Variants in TRIM62 observed in about 807,000 individuals in gnomAD.
TRIM62 encodes the protein E3 ubiquitin-protein ligase TRIM62.
TRIM62 carries 39 observed loss-of-function variants against 44.2 expected under a neutral mutation model. That is an observed-to-expected ratio of 0.88 (90% CI 0.68 to 1.15). The LOEUF (loss-of-function observed/expected upper bound fraction) is 1.15, where lower values mean the gene tolerates loss of function less well. Ranked by LOEUF, TRIM62 falls within the 50% of genes most tolerant of loss-of-function variation. TRIM62 has a pLI of 0.00. For synonymous variants in TRIM62, 278 were observed against 292.3 expected (o/e 0.95, Z 0.50); for missense variants, 544 against 665.5 (o/e 0.82, Z 2.01).
chr1:33,147,265 C>T lies in TRIM62; in HGVS notation c.1340G>A (p.Gly447Asp). 1 of 1,614,122 alleles carries T rather than the reference C, an allele frequency of 6.2e-7. No individual in the cohort carries two copies. The highest frequency in any genetic ancestry group is 8.5e-7 in the Non-Finnish European group (1 of 1,180,026). Residue 447 changes from glycine (G) to aspartate (D), a missense_variant, in exon 5 of 5, where the codon GGC becomes GAC. Coordinates refer to ENST00000291416, the MANE Select transcript of TRIM62 (RefSeq NM_018207.3). This position sits in a 1 kb window ranked among gnomAD's most constrained non-coding sequence, Gnocchi z 8.1. ...WLYTFREKFP[G>D]KLCSYFSPGQ... Reference sequence around the variant, plus strand: ...AGGGCTGAAGTAAGAGCAGAGCTTGCCAGGGAACTTCTCGCGGAAGGTGTA... The same window carrying T: ...AGGGCTGAAGTAAGAGCAGAGCTTGTCAGGGAACTTCTCGCGGAAGGTGTA...
At chr1:33,178,792 C>T (rs1325709384) in intron 1 of TRIM62, among the ~76,000 whole-genome samples, 1 of 152,220 alleles carries the variant, frequency 6.6e-6, no homozygotes, top group Non-Finnish European at 1.5e-5. Context: ...TCCTGTTTTA[C>T]TTTTCACCCA....
chr1:33,157,366 C>T (rs916133838), intron 4 of TRIM62, among the ~76,000 whole-genome samples: 18 of 152,138 alleles, frequency 1.2e-4, no homozygotes, highest in African/African-American at 4.3e-4. Context: ...AGCACTCTTC[C>T]TCCAGATACC....
chr1:33,178,287 T>C (rs1645436815), intron 1 of TRIM62, among the ~76,000 whole-genome samples: 1 of 152,174 alleles, frequency 6.6e-6, no homozygotes, highest in African/African-American at 2.4e-5. Context: ...TGAGGGTGGG[T>C]TCAGCCTTAT....
At chr1:33,176,961 T>G (rs1645424240) in intron 1 of TRIM62, among the ~76,000 whole-genome samples, 1 of 152,152 alleles carries the variant, frequency 6.6e-6, no homozygotes. Flanking sequence ...GGAAATGGGC[T>G]CCTTCCCTCC....
Position 33,147,547 on chromosome 1 carries a change from C to T in TRIM62, c.1058G>A (p.Trp353Ter). 6.2e-7 allele frequency: 1 copy of T among 1,614,106 alleles called. No individual in the cohort carries two copies. Among genetic ancestry groups the T allele is most frequent in the Non-Finnish European group, 8.5e-7 (1 of 1,180,048 alleles). The change falls in exon 5 of 5, where the codon TGG becomes TAG. Residue 353 changes from tryptophan to a stop codon, truncating the protein, a stop_gained. Coordinates refer to ENST00000291416, the MANE Select transcript of TRIM62 (RefSeq NM_018207.3). LOFTEE classifies it high-confidence loss of function. This position sits in a 1 kb window ranked among gnomAD's most constrained non-coding sequence, Gnocchi z 8.1. ...GGTCTTCTCCGCCACCACCACCTCC[C>T]AGTAGTGGACGCCACTACTGAAGGC... Reference protein sequence around the residue: ...SEAFSSGVHYWEVVVAEKTQW... With the variant: ...SEAFSSGVHY
rs758245223 is a variant in TRIM62, at chr1:33,159,660, G to A, written c.761+28C>T. On this transcript the variant is annotated intron_variant, in intron 3 of 4. Coordinates refer to ENST00000291416, the MANE Select transcript of TRIM62 (RefSeq NM_018207.3). This position sits in a 1 kb window ranked among gnomAD's most constrained non-coding sequence, Gnocchi z 4.2. The stretch of plus-strand genomic sequence containing the variant: ...TGGGTCGAGGAGGGGATGGTCAGCC[G>A]GGGAGGGCCCCGGCGGGTGGCACTT... 34 of 1,588,102 alleles carry A rather than the reference G, an allele frequency of 2.1e-5. No homozygotes were observed. The highest frequency in any genetic ancestry group is 3.4e-4 in the Middle Eastern group (2 of 5,814).
At chr1:33,157,109 C>G (rs564754231) in intron 4 of TRIM62, among the ~76,000 whole-genome samples, 2 of 152,158 alleles carry the variant, frequency 1.3e-5, no homozygotes, top group South Asian at 4.1e-4. Context: ...CTTCATGGCT[C>G]CAAGCCCTCC....
chr1:33,145,777 C>A lies in TRIM62; in HGVS notation c.*1400G>T. The stretch of plus-strand genomic sequence containing the variant: ...GCAGGACAACCCTAGATGTGGACTC[C>A]ACCCTCTCCCGAGTTCTTCACGATT... On this transcript the variant is annotated 3_prime_UTR_variant, in exon 5 of 5. Transcript: ENST00000291416. 1 of 449,502 alleles carries A rather than the reference C, an allele frequency of 2.2e-6. No homozygotes were observed. Among genetic ancestry groups the A allele is most frequent in the Non-Finnish European group, 4.6e-6 (1 of 216,390 alleles). 27.8% of individuals were successfully genotyped at this position (449,502 alleles called of 1,614,324 possible).
chr1:33,158,428 GGGCCCCGCAGCCACCTTCAGGGCAGC>G, intron 3 of TRIM62, 60 bp from the exon 4 acceptor site: 1 of 1,459,620 alleles, frequency 6.9e-7, no homozygotes. Context: ...CCAATGCCAG[GGGCCCCGCAGCCACCTTCAGGGCAGC>G]TGGCATAGGA....
chr1:33,175,206 AT>A (rs541492582), intron 1 of TRIM62, among the ~76,000 whole-genome samples: 19,214 of 142,314 alleles, frequency 0.14, 2,467 homozygotes, highest in African/African-American at 0.34. Flanking sequence ...TGCCCAGCTA[AT>A]TTTTTTTTTT....
At chr1:33,148,566 T>C (rs1000048917) in intron 4 of TRIM62, among the ~76,000 whole-genome samples, 2 of 152,182 alleles carry the variant, frequency 1.3e-5, no homozygotes, top group East Asian at 3.9e-4. Context: ...CTTTGTTAGG[T>C]TTTCTAGTGT....
intron 1 of TRIM62, among the ~76,000 whole-genome samples, chr1:33,168,137 A>G (rs1309678020): frequency 6.6e-6 from 1 of 152,202 alleles, no homozygotes; most frequent in East Asian, 1.9e-4. Context: ...CAGAAGGATG[A>G]GGAGGAGCCA....
In TRIM62 at chr1:33,146,948, T is replaced by C; in HGVS notation, c.*229A>G. 1.7e-6 allele frequency: 1 copy of C among 572,906 alleles called. No individual in the cohort carries two copies. Among genetic ancestry groups the C allele is most frequent in the Non-Finnish European group, 3.1e-6 (1 of 322,816 alleles). The allele number at this position is 572,906 out of a possible 1,614,324, so 35.5% of individuals were successfully genotyped here. ...GGAGAAGCCATGTCACATCCTTGGA[T>C]CAAAGCTGTATCCCTATCAAGGTCA... On this transcript the variant is annotated 3_prime_UTR_variant, in exon 5 of 5. Coordinates refer to ENST00000291416, the MANE Select transcript of TRIM62 (RefSeq NM_018207.3).
chr1:33,154,275 C>G (rs993478832), intron 4 of TRIM62, among the ~76,000 whole-genome samples: 1 of 151,480 alleles, frequency 6.6e-6, no homozygotes, highest in African/African-American at 2.4e-5. Context: ...CCGATTCCCT[C>G]CCCAGTCACT....
Position 33,159,896 on chromosome 1 carries a change from G to C in TRIM62, c.553C>G (p.Leu185Val), listed in dbSNP as rs750648101. The change falls in exon 3 of 5, where the codon CTG becomes GTG. Residue 185 changes from leucine (L) to valine (V), a missense_variant. Leu to Val is a conservative substitution (Grantham distance 32). Coordinates refer to ENST00000291416, the MANE Select transcript of TRIM62 (RefSeq NM_018207.3). The surrounding 1 kb of genome is among the most constrained non-coding windows in gnomAD (Gnocchi z 4.2). ...TGGCGTTCACGCAGCAGCCGGTGCA[G>C]CCGCTCGAAGGCCTCGCCGATAGTG... ...RTTIGEAFER[L>V]HRLLRERQKA... is the part of the protein sequence containing the mutation. The C allele has an allele frequency of 6.2e-7, 1 of 1,610,384 alleles. No individual in the cohort carries two copies. The highest frequency in any genetic ancestry group is 8.5e-7 in the Non-Finnish European group (1 of 1,180,000).
At chr1:33,153,354 C>T (rs1016700080) in intron 4 of TRIM62, among the ~76,000 whole-genome samples, 7 of 152,196 alleles carry the variant, frequency 4.6e-5, no homozygotes, top group African/African-American at 1.7e-4. Context: ...TCTGTTCCTC[C>T]CTCAGCTCCT....
At position 33,177,586 on chromosome 1, in the gene TRIM62, G is replaced by A. The variant is rs1297959964; in HGVS notation, c.408+3439C>T. Among the ~76,000 whole-genome samples the A allele has an allele frequency of 6.6e-6, 1 of 152,284 alleles. No individual in the cohort carries two copies. The highest frequency in any genetic ancestry group is 1.9e-4 in the East Asian group (1 of 5,182). ...TTAAAGTTCAGTGGGACTTTTCTAGGTCAGGTTTCTCAACTAGAGGTGATT... is the reference window on the plus strand; with the variant it reads ...TTAAAGTTCAGTGGGACTTTTCTAGATCAGGTTTCTCAACTAGAGGTGATT... On this transcript the variant is annotated intron_variant, in intron 1 of 4. Coordinates refer to ENST00000291416, the MANE Select transcript of TRIM62 (RefSeq NM_018207.3). This position sits in a 1 kb window ranked among gnomAD's most constrained non-coding sequence, Gnocchi z 4.1.
At position 33,181,572 on chromosome 1, in the gene TRIM62, G is replaced by A; in HGVS notation, c.-140C>T. ...GGGGTAGGAGCTACCGGAGAAGGGA[G>A]GGGGTGCTGTCCGGAAGGAGGGTAA... On this transcript the variant is annotated 5_prime_UTR_variant, in exon 1 of 5. Coordinates refer to ENST00000291416, the MANE Select transcript of TRIM62 (RefSeq NM_018207.3). This position sits in a 1 kb window ranked among gnomAD's most constrained non-coding sequence, Gnocchi z 6.5. 3 of 1,384,334 alleles carry A rather than the reference G, an allele frequency of 2.2e-6. No individual in the cohort carries two copies. Among genetic ancestry groups the A allele is most frequent in the Non-Finnish European group, 2.8e-6 (3 of 1,065,570 alleles). 85.8% of individuals were successfully genotyped at this position (1,384,334 alleles called of 1,614,324 possible).
chr1:33,165,282 C>T lies in TRIM62; in HGVS notation c.504+189G>A, dbSNP rs1469314212. On this transcript the variant is annotated intron_variant, in intron 2 of 4. Coordinates refer to ENST00000291416, the MANE Select transcript of TRIM62 (RefSeq NM_018207.3). This position sits in a 1 kb window ranked among gnomAD's most constrained non-coding sequence, Gnocchi z 4.0. ...CCGCCAGTCATGATGGGGTGGGTGC[C>T]GCCCCATTGAACTTCACGGATGCCC... 3 of 528,330 alleles carry T rather than the reference C, an allele frequency of 5.7e-6. No individual in the cohort carries two copies. Among genetic ancestry groups the T allele is most frequent in the East Asian group, 6.6e-5 (2 of 30,374 alleles). 32.7% of individuals were successfully genotyped at this position (528,330 alleles called of 1,614,324 possible).
Sources: allele counts gnomAD v4.1 joint callset (sites outside exome capture counted in the v4.1 genomes callset), GRCh38; gene constraint gnomAD v4.1.1; non-coding constraint Gnocchi (gnomAD v3.1); transcripts MANE v1.5; gene names NCBI Gene and HGNC (gene_info 2026-07-23, HGNC 2026-07-21).